The following SEMA6D variants were observed in gnomAD, a reference collection of about 807,000 sequenced individuals.
SEMA6D encodes the protein semaphorin-6D.
SEMA6D carries 35 observed loss-of-function variants against 106.6 expected under a neutral mutation model. The ratio of observed to expected loss-of-function variants is 0.33; its 90% CI spans 0.25 to 0.44. The LOEUF is 0.44. Among genes scored for constraint, SEMA6D ranks in the 20% least tolerant of loss-of-function variants. The probability of loss-of-function intolerance (pLI) is 1.00; values close to 1 mark genes in which losing one functional copy is unlikely to be tolerated. For synonymous variants in SEMA6D, 499 were observed against 487.7 expected (o/e 1.02, Z -0.31); for missense variants, 1,185 against 1,345.9 (o/e 0.88, Z 1.87).
intron 3 of SEMA6D, among the ~76,000 whole-genome samples, chr15:47,552,891 A>AATATATATATATTTATAT (rs71118186): frequency 1.7e-4 from 6 of 35,294 alleles, no homozygotes; most frequent in Admixed American, 5.5e-4. Flanking sequence ...AATATATATA[A>AATATATATATATTTATAT]ATATATATAT....
At chr15:47,513,588 A>G (rs2044297137) in intron 3 of SEMA6D, among the ~76,000 whole-genome samples, 2 of 152,202 alleles carry the variant, frequency 1.3e-5, no homozygotes, top group South Asian at 4.1e-4. Context: ...CAGTTACAGA[A>G]AAGAAGGGTA....
At chr15:47,479,462 C>T (rs2043090135) in intron 3 of SEMA6D, among the ~76,000 whole-genome samples, 2 of 152,140 alleles carry the variant, frequency 1.3e-5, no homozygotes. Flanking sequence ...TACATAAGAA[C>T]ACTGCTAGTA....
chr15:47,197,055 A>G (rs1260131854), intron 1 of SEMA6D, among the ~76,000 whole-genome samples: 2 of 152,154 alleles, frequency 1.3e-5, no homozygotes. Context: ...TATGTGGCCA[A>G]ATGGGGAATC....
chr15:47,431,795 T>A (rs2041535475), intron 2 of SEMA6D, among the ~76,000 whole-genome samples: 1 of 152,146 alleles, frequency 6.6e-6, no homozygotes, highest in African/African-American at 2.4e-5. Context: ...TACAGTACAG[T>A]TGAAAATGCT....
chr15:47,764,389 C>A (rs903391154), intron 11 of SEMA6D, 84 bp downstream of exon 11: 2 of 1,490,800 alleles, frequency 1.3e-6, no homozygotes, highest in South Asian at 2.7e-5. Flanking sequence ...AGCAGCTTGG[C>A]CAACCTCCCA....
intron 1 of SEMA6D, among the ~76,000 whole-genome samples, chr15:47,357,522 C>G (rs2038633462): frequency 6.6e-6 from 1 of 152,128 alleles, no homozygotes; most frequent in African/African-American, 2.4e-5. Flanking sequence ...GAGAGCCAGT[C>G]TGAGTTCCAA....
Position 47,300,824 on chromosome 15 carries a change from T to C in SEMA6D, c.-238-111569T>C, listed in dbSNP as rs2035990771. ...TAGGCTTAGGCCAACACAGCTGTTGTATGTCATGTAGCCACCAAGCTCAGT... is the reference window on the plus strand; with the variant it reads ...TAGGCTTAGGCCAACACAGCTGTTGCATGTCATGTAGCCACCAAGCTCAGT... On this transcript the variant is annotated intron_variant, in intron 1 of 19. Transcript: ENST00000558014. Among the ~76,000 whole-genome samples the C allele has an allele frequency of 2.0e-5, 3 of 152,204 alleles. No individual in the cohort carries two copies. In the South Asian group the frequency reaches 6.2e-4, roughly 31 times the overall value.
At chr15:47,223,338 A>G (rs1595764719) in intron 1 of SEMA6D, among the ~76,000 whole-genome samples, 1 of 152,104 alleles carries the variant, frequency 6.6e-6, no homozygotes, top group Non-Finnish European at 1.5e-5. Context: ...TCTACTTTTC[A>G]TCGGTTTTCT....
intron 1 of SEMA6D, among the ~76,000 whole-genome samples, chr15:47,230,579 T>C (rs1440865775): frequency 6.6e-6 from 1 of 152,032 alleles, no homozygotes; most frequent in Admixed American, 6.6e-5. Context: ...CATCCTTCTA[T>C]AGACATTGGA....
chr15:47,293,450 T>G (rs557572935), intron 1 of SEMA6D, among the ~76,000 whole-genome samples: 74 of 152,286 alleles, frequency 4.9e-4, no homozygotes, highest in African/African-American at 1.5e-3. Flanking sequence ...TCTTCCTTGG[T>G]GTCGAGAGGT....
intron 1 of SEMA6D, among the ~76,000 whole-genome samples, chr15:47,343,757 T>C (rs1183114164): frequency 5.3e-5 from 8 of 152,192 alleles, no homozygotes; most frequent in African/African-American, 1.9e-4. Context: ...TTTATAATCC[T>C]TTGGGTATAT....
intron 4 of SEMA6D, among the ~76,000 whole-genome samples, chr15:47,675,114 A>G (rs1225238167): frequency 2.0e-5 from 3 of 152,186 alleles, no homozygotes; most frequent in Non-Finnish European, 4.4e-5. Context: ...TTCTGAGGTT[A>G]TTGGCTGTTT....
At chr15:47,658,480 AT>A (rs1353435949) in intron 4 of SEMA6D, among the ~76,000 whole-genome samples, 1 of 152,200 alleles carries the variant, frequency 6.6e-6, no homozygotes, top group Non-Finnish European at 1.5e-5. Flanking sequence ...TGTGAAAAAA[AT>A]ATGTAGCTTA....
intron 4 of SEMA6D, among the ~76,000 whole-genome samples, chr15:47,690,153 T>C (rs1051031943): frequency 2.0e-5 from 3 of 152,282 alleles, no homozygotes; most frequent in African/African-American, 7.2e-5. Flanking sequence ...GATGAAGTTA[T>C]AGGCAGTAGG....
chr15:47,282,607 G>A (rs766268572), intron 1 of SEMA6D, among the ~76,000 whole-genome samples: 184 of 152,142 alleles, frequency 1.2e-3, no homozygotes, highest in Non-Finnish European at 2.6e-4. Context: ...CAGTTTTTTA[G>A]TATTTTTAAA....
chr15:47,755,414 TTC>T (rs954807838), intron 1 of SEMA6D, among the ~76,000 whole-genome samples: 56 of 152,284 alleles, frequency 3.7e-4, no homozygotes, highest in African/African-American at 1.2e-3. Context: ...TTGTGGTTTT[TTC>T]TCTCTCTCTT....
At chr15:47,388,961 C>G (rs2039936239) in intron 1 of SEMA6D, among the ~76,000 whole-genome samples, 1 of 152,138 alleles carries the variant, frequency 6.6e-6, no homozygotes, top group Non-Finnish European at 1.5e-5. Context: ...CAAAACTCAT[C>G]AGATACAAAT....
chr15:47,653,119 C>G (rs572120350), intron 4 of SEMA6D, among the ~76,000 whole-genome samples: 1 of 152,294 alleles, frequency 6.6e-6, no homozygotes, highest in South Asian at 2.1e-4. Context: ...AGCAGGTAAA[C>G]ATGCCCATAC....
intron 1 of SEMA6D, among the ~76,000 whole-genome samples, chr15:47,187,460 T>C (rs1265957263): frequency 1.3e-5 from 2 of 152,190 alleles, no homozygotes; most frequent in Admixed American, 1.3e-4. Flanking sequence ...TTGCAAGTGC[T>C]TTAATTGTAA....
Sources: gnomAD v4.1 joint callset for allele counts (sites outside exome capture counted in the v4.1 genomes callset) on GRCh38, gnomAD v4.1.1 for gene constraint, MANE v1.5 for transcripts, NCBI Gene and HGNC (gene_info 2026-07-23, HGNC 2026-07-21) for gene names.